The following ZNF713 variants were observed in gnomAD, a reference collection of about 807,000 sequenced individuals.
ZNF713 encodes the protein zinc finger protein 713.
Under a neutral mutation model 28.7 loss-of-function variants are expected in ZNF713, and 21 were observed. The ratio of observed to expected loss-of-function variants is 0.73; its 90% confidence interval spans 0.52 to 1.05. The LOEUF is 1.05. Among genes scored for constraint, ZNF713 ranks in the 50% least tolerant of loss-of-function variants. The pLI, the probability that ZNF713 is intolerant of heterozygous loss-of-function variation, is 0.00. For synonymous variants in ZNF713, 167 were observed against 178.0 expected, an observed-to-expected ratio of 0.94 and a Z score of 0.49; for missense variants, 458 against 532.4, an observed-to-expected ratio of 0.86 and a Z score of 1.37.
chr7:55,887,757 G>GC lies in ZNF713; in HGVS notation c.-583+77_-583+78insC, dbSNP rs1491408553. 1.7e-3 allele frequency: 3 copies of GC among 1,808 alleles called. 1 individual carries two copies. The highest frequency in any genetic ancestry group is 3.2e-3 in the Non-Finnish European group (3 of 928). The allele number at this position is 1,808 out of a possible 1,614,324, so 0.1% of individuals were successfully genotyped here. On this transcript the variant is annotated intron_variant, in intron 1 of 6. Transcript: ENST00000429591. ...AGGCGGGGGGCGGAGGCGGGGGGCG[G>GC]AGGCGGGGGGCGGAGGCGGGGGGCG...
At chr7:55,923,000 G>T (rs530909808) in intron 4 of ZNF713, among the ~76,000 whole-genome samples, 162 bp from the exon 5 acceptor site, 36 of 152,270 alleles carry the variant, frequency 2.4e-4, no homozygotes, top group African/African-American at 8.7e-4. Context: ...TGATAGAAAG[G>T]TACTAATTTT....
Position 55,923,163 on chromosome 7 carries a change from A to C in ZNF713, c.89A>C (p.Glu30Ala). 1 of 1,611,324 alleles carries C rather than the reference A, an allele frequency of 6.2e-7. No individual in the cohort carries two copies. The highest frequency in any genetic ancestry group is 8.5e-7 in the Non-Finnish European group (1 of 1,178,862). The change falls in exon 5 of 7, where the codon GAA becomes GCA. Residue 30 changes from glutamate (E) to alanine (A), a missense_variant and splice_region_variant. Glu to Ala is a moderately radical substitution (Grantham distance 107). Transcript: ENST00000429591. Reference sequence around the variant, plus strand: ...GCAGGGATGTGCTTGATGTTTCAGGAATCACTGACGTTTCAGGATGTGGCC... The same window carrying C: ...GCAGGGATGTGCTTGATGTTTCAGGCATCACTGACGTTTCAGGATGTGGCC... ...NDGSQMVRSQ[E>A]SLTFQDVAVD...
chr7:55,892,141 C>T (rs903265710), intron 1 of ZNF713, among the ~76,000 whole-genome samples: 5 of 151,574 alleles, frequency 3.3e-5, no homozygotes, highest in Non-Finnish European at 4.4e-5. Context: ...TTAGCTGGGC[C>T]TGGTGGCGGG....
chr7:55,910,963 C>G (rs1785773063), intron 2 of ZNF713, among the ~76,000 whole-genome samples: 1 of 152,242 alleles, frequency 6.6e-6, no homozygotes, highest in African/African-American at 2.4e-5. Flanking sequence ...CCGTCTGCTT[C>G]TCCTGACTGT....
chr7:55,938,847 CTT>C, intron 6 of ZNF713, 133 bp from the exon 7 acceptor site: 1 of 898,044 alleles, frequency 1.1e-6, no homozygotes, highest in Non-Finnish European at 1.6e-6. Flanking sequence ...CATTGAAAAA[CTT>C]TCAATGCCGT....
In ZNF713 at chr7:55,896,585, ATG is replaced by A. The variant is rs532438365; in HGVS notation, c.-583+8921_-583+8922del. On this transcript the variant is annotated intron_variant, in intron 1 of 6. Coordinates refer to ENST00000429591, the MANE Select transcript of ZNF713 (RefSeq NM_182633.3). Reference sequence around the variant, plus strand: ...TATGAACTCATGATATTTAATATATATGTGTGTGTGTGTGTGTATATATATAT... The same window carrying A: ...TATGAACTCATGATATTTAATATATATGTGTGTGTGTGTGTATATATATAT... Among the ~76,000 whole-genome samples, 357 of 129,220 alleles carry A rather than the reference ATG, an allele frequency of 2.8e-3. 1 individual carries two copies. Among genetic ancestry groups the A allele is most frequent in the Non-Finnish European group, 4.2e-3 (245 of 58,996 alleles). The allele number at this position is 129,220 out of a possible 152,430, so 84.8% of individuals were successfully genotyped here. A position where few individuals can be genotyped will look rare whatever the true frequency, so the allele number is the denominator to read the frequency against.
At chr7:55,932,910 A>AAAAAAG in intron 6 of ZNF713, among the ~76,000 whole-genome samples, 1 of 140,416 alleles carries the variant, frequency 7.1e-6, no homozygotes, top group Non-Finnish European at 1.5e-5. Flanking sequence ...AAAAAAAAAA[A>AAAAAAG]GAAGCTACAA....
intron 1 of ZNF713, among the ~76,000 whole-genome samples, chr7:55,894,386 G>C (rs1449242936): frequency 6.6e-6 from 1 of 152,024 alleles, no homozygotes; most frequent in Non-Finnish European, 1.5e-5. Flanking sequence ...CTATTGTCAA[G>C]AAAAACACAA....
chr7:55,892,565 A>AAAC (rs1554335051), intron 1 of ZNF713, among the ~76,000 whole-genome samples: 1 of 149,782 alleles, frequency 6.7e-6, no homozygotes, highest in Non-Finnish European at 1.5e-5. Flanking sequence ...CAAAAAAAAA[A>AAAC]AAAAAAAAAA....
intron 6 of ZNF713, among the ~76,000 whole-genome samples, chr7:55,933,239 AAATAAT>A (rs775883665): frequency 1.1e-4 from 16 of 152,064 alleles, no homozygotes; most frequent in East Asian, 1.9e-4. Flanking sequence ...CCTGCCTCAA[AAATAAT>A]AATAATAATA....
In ZNF713 at chr7:55,939,854, G is replaced by A; in HGVS notation, c.1180G>A (p.Gly394Arg). 6.2e-7 allele frequency: 1 copy of A among 1,614,112 alleles called. No individual in the cohort carries two copies. The highest frequency in any genetic ancestry group is 2.2e-5 in the East Asian group (1 of 44,884). The change falls in exon 7 of 7, where the codon GGA becomes AGA. Residue 394 changes from glycine (G) to arginine (R), a missense_variant. By Grantham distance (125) the Gly-to-Arg change is moderately radical (BLOSUM62 -2). Transcript: ENST00000429591. ...HLNQHERTHT[G>R]EKPYKCNECG... Reference sequence around the variant, plus strand: ...GAATCAACATGAAAGAACTCATACAGGAGAGAAACCCTATAAATGTAATGA... The same window carrying A: ...GAATCAACATGAAAGAACTCATACAAGAGAGAAACCCTATAAATGTAATGA...
At chr7:55,926,078 G>A (rs1020129144) in intron 6 of ZNF713, among the ~76,000 whole-genome samples, 1 of 152,158 alleles carries the variant, frequency 6.6e-6, no homozygotes, top group African/African-American at 2.4e-5. Context: ...CACTTTGGGA[G>A]GCTGAGGTGG....
rs1786439572 is a variant in ZNF713 at position 55,940,292 on chromosome 7, T to G, written c.*286T>G. ...TATGCACCACCACGCCCAGCTAATTTTTTGTATTTTTAGTAGAGACGGGGT... is the reference window on the plus strand; with the variant it reads ...TATGCACCACCACGCCCAGCTAATTGTTTGTATTTTTAGTAGAGACGGGGT... On this transcript the variant is annotated 3_prime_UTR_variant, in exon 7 of 7. Transcript: ENST00000429591. 1 of 492,948 alleles carries G rather than the reference T, an allele frequency of 2.0e-6. No individual in the cohort carries two copies. The highest frequency in any genetic ancestry group is 2.1e-5 in the African/African-American group (1 of 48,358). The allele number at this position is 492,948 out of a possible 1,614,324, so 30.5% of individuals were successfully genotyped here. A position where few individuals can be genotyped will look rare whatever the true frequency, so the allele number is the denominator to read the frequency against.
At chr7:55,913,312 C>T (rs1034469915) in intron 4 of ZNF713, among the ~76,000 whole-genome samples, 2 of 150,348 alleles carry the variant, frequency 1.3e-5, no homozygotes, top group Non-Finnish European at 2.9e-5. Context: ...AGTGATTCTC[C>T]TGCCTCAGCC....
In ZNF713 at chr7:55,890,825, G is replaced by A. The variant is rs530260245; in HGVS notation, c.-583+3145G>A. ...ATCTGAGGTCAGGAGTTTGAGACCA[G>A]CCTGGGCAACATGGTGAAACCCCAT... On this transcript the variant is annotated intron_variant, in intron 1 of 6. Transcript: ENST00000429591. Among the ~76,000 whole-genome samples the A allele has an allele frequency of 1.1e-4, 17 of 152,020 alleles. No individual in the cohort carries two copies. The South Asian group carries it at 2.7e-3, about 24-fold the overall frequency.
chr7:55,904,082 G>GCCAGACTGTATCTTTAAAAAAAAAAAAA lies in ZNF713; in HGVS notation c.-582-2171_-582-2170insCCAGACTGTATCTTTAAAAAAAAAAAAA. 1.2e-3 allele frequency among the ~76,000 whole-genome samples: 149 copies of GCCAGACTGTATCTTTAAAAAAAAAAAAA among 126,646 alleles called. 7 individuals carry two copies. The highest frequency in any genetic ancestry group is 1.3e-3 in the Non-Finnish European group (73 of 56,682). 83.1% of individuals were successfully genotyped at this position (126,646 alleles called of 152,430 possible). Reference sequence around the variant, plus strand: ...ATAAAAGGCAGGCAAAGGAAAAAGAGACTAGATCACAGCTCCCTGAGAGAG... The same window carrying GCCAGACTGTATCTTTAAAAAAAAAAAAA: ...ATAAAAGGCAGGCAAAGGAAAAAGAGCCAGACTGTATCTTTAAAAAAAAAAAAAACTAGATCACAGCTCCCTGAGAGAG... On this transcript the variant is annotated intron_variant, in intron 1 of 6. Transcript: ENST00000429591.
chr7:55,923,675 G>GA lies in ZNF713; in HGVS notation c.284dup (p.Asp95GlufsTer27). 1.2e-6 allele frequency: 2 copies of GA among 1,612,172 alleles called. No individual in the cohort carries two copies. The highest frequency in any genetic ancestry group is 1.3e-5 in the African/African-American group (1 of 74,888). The stretch of plus-strand genomic sequence containing the variant: ...AGAGGAAGAATGGGTGATAGAAAGA[G>GA]ACAGCCTGCTGGATACTCATCCAGG... On this transcript the variant is annotated frameshift_variant, in exon 6 of 7. Transcript: ENST00000429591. LOFTEE classifies it low-confidence loss of function (END_TRUNC).
intron 6 of ZNF713, chr7:55,924,379 G>A (rs17664478): frequency 0.14 from 21,700 of 152,264 alleles, 1,727 homozygotes; most frequent in Non-Finnish European, 0.18. Context: ...TGATGCACAC[G>A]ATTCTTGTCC....
In ZNF713 at chr7:55,940,517, T is replaced by G. The variant is rs1388295109; in HGVS notation, c.*511T>G. The G allele has an allele frequency of 3.1e-6, 3 of 981,058 alleles. No homozygotes were observed. The allele number at this position is 981,058 out of a possible 1,614,324, so 60.8% of individuals were successfully genotyped here. On this transcript the variant is annotated 3_prime_UTR_variant, in exon 7 of 7. Coordinates refer to ENST00000429591, the MANE Select transcript of ZNF713 (RefSeq NM_182633.3). ...AGGGGTTATAAAAAGAAAAAATAAT[T>G]TATTTTACAAATGAGATTATATTTG...
Sources: allele counts gnomAD v4.1 joint callset (sites outside exome capture counted in the v4.1 genomes callset), GRCh38; gene constraint gnomAD v4.1.1; transcripts MANE v1.5; gene names NCBI Gene and HGNC (gene_info 2026-07-23, HGNC 2026-07-21).